COL5A1: variants seen among roughly 807,000 people sequenced by gnomAD.
COL5A1 encodes collagen alpha-1(V) chain.
A neutral mutation model predicts 263.7 loss-of-function variants in COL5A1; 16 were observed. That is an observed-to-expected ratio of 0.06 (90% CI 0.04 to 0.09). The LOEUF is 0.09. Among genes scored for constraint, COL5A1 ranks in the 10% least tolerant of loss-of-function variants. COL5A1 has a pLI of 1.00. For missense variants in COL5A1, 2,036 were observed against 2,540.5 expected (o/e 0.80, Z 4.27); for synonymous variants, 1,012 against 1,004.5 (o/e 1.01, Z -0.14).
At chr9:134,713,557 G>C (rs971033455) in intron 4 of COL5A1, among the ~76,000 whole-genome samples, 3 of 152,232 alleles carry the variant, frequency 2.0e-5, no homozygotes, top group African/African-American at 7.2e-5. Flanking sequence ...CTGAGAAAAT[G>C]AAATTCAATC....
In COL5A1 at chr9:134,677,571, G is replaced by A. The variant is rs1022626453; in HGVS notation, c.110-13341G>A. Among the ~76,000 whole-genome samples the A allele has an allele frequency of 2.6e-5, 4 of 152,128 alleles. No individual in the cohort carries two copies. The highest frequency in any genetic ancestry group is 4.4e-5 in the Non-Finnish European group (3 of 68,014). ...GGTGAGGTTTATCAGCGGGATCTTC[G>A]GGGTGATGACATTCCTTCCCCCATC... On this transcript the variant is annotated intron_variant, in intron 1 of 65. Coordinates refer to ENST00000371817, the MANE Select transcript of COL5A1 (RefSeq NM_000093.5). The surrounding 1 kb of genome is among the most constrained non-coding windows in gnomAD (Gnocchi z 4.4).
chr9:134,742,483 G>T lies in COL5A1; in HGVS notation c.1494+3675G>T, dbSNP rs1835339262. Among the ~76,000 whole-genome samples, 1 of 151,486 alleles carries T rather than the reference G, an allele frequency of 6.6e-6. No homozygotes were observed. Among genetic ancestry groups the T allele is most frequent in the African/African-American group, 2.4e-5 (1 of 41,170 alleles). On this transcript the variant is annotated intron_variant, in intron 11 of 65. Coordinates refer to ENST00000371817, the MANE Select transcript of COL5A1 (RefSeq NM_000093.5). This position sits in a 1 kb window ranked among gnomAD's most constrained non-coding sequence, Gnocchi z 4.6. ...TTTCCCTCAGGTGACTGGTGAGCAGGTGCACAGCTGGGGCAATGTGCCCGC... is the reference window on the plus strand; with the variant it reads ...TTTCCCTCAGGTGACTGGTGAGCAGTTGCACAGCTGGGGCAATGTGCCCGC...
intron 1 of COL5A1, among the ~76,000 whole-genome samples, chr9:134,654,902 A>T (rs1429776117): frequency 4.5e-5 from 2 of 44,096 alleles, no homozygotes; most frequent in African/African-American, 9.4e-5. Flanking sequence ...GGGGGTGTGT[A>T]GGGCTGGTGT....
chr9:134,775,501 C>T (rs1210223985), intron 27 of COL5A1, among the ~76,000 whole-genome samples: 1 of 152,248 alleles, frequency 6.6e-6, no homozygotes, highest in Non-Finnish European at 1.5e-5. Flanking sequence ...ATGGGGCGCA[C>T]AGCTCCAGAG....
At chr9:134,783,170 C>T (rs374652392) in intron 29 of COL5A1, among the ~76,000 whole-genome samples, 14 of 152,352 alleles carry the variant, frequency 9.2e-5, no homozygotes, top group Non-Finnish European at 1.6e-4. Context: ...GGGCAGCACG[C>T]GACGTGGGTC....
intron 1 of COL5A1, among the ~76,000 whole-genome samples, chr9:134,661,982 G>A (rs1420072991): frequency 6.6e-6 from 1 of 152,100 alleles, no homozygotes; most frequent in African/African-American, 2.4e-5. Flanking sequence ...CGCCTTCTCT[G>A]GGGCGGTTAC....
In COL5A1 at chr9:134,738,892, C is replaced by T. The variant is rs1164648633; in HGVS notation, c.1494+84C>T. ...TCTCCACACTGTGACCCGAGCTGTCCCTGCCTGTGGAGGTGACCCAGAGGC... is the reference window on the plus strand; with the variant it reads ...TCTCCACACTGTGACCCGAGCTGTCTCTGCCTGTGGAGGTGACCCAGAGGC... On this transcript the variant is annotated intron_variant, in intron 11 of 65. Transcript: ENST00000371817. 2.0e-5 allele frequency: 24 copies of T among 1,188,164 alleles called. No homozygotes were observed. In the East Asian group the frequency reaches 5.4e-4, roughly 27 times the overall value. The allele number at this position is 1,188,164 out of a possible 1,614,324, so 73.6% of individuals were successfully genotyped here. A position where few individuals can be genotyped will look rare whatever the true frequency, so the allele number is the denominator to read the frequency against.
intron 27 of COL5A1, 89 bp from the exon 28 acceptor site, chr9:134,780,013 A>G (rs1355573698): frequency 6.9e-7 from 1 of 1,455,716 alleles, no homozygotes; most frequent in Non-Finnish European, 9.6e-7. Flanking sequence ...AGCTTCAGCG[A>G]GCTCAGCCTG....
At chr9:134,724,500 C>T (rs1834577198) in intron 4 of COL5A1, among the ~76,000 whole-genome samples, 1 of 152,196 alleles carries the variant, frequency 6.6e-6, no homozygotes, top group South Asian at 2.1e-4. Flanking sequence ...CCCGTGTGCG[C>T]AGTGGTTGTG....
At position 134,677,940 on chromosome 9, in the gene COL5A1, C is replaced by A. The variant is rs1333870897; in HGVS notation, c.110-12972C>A. The stretch of plus-strand genomic sequence containing the variant: ...GGGGGTCTCAAGATTCTCTGTCGCC[C>A]CATAGCTTGGGTATGGAGGGCCTCC... On this transcript the variant is annotated intron_variant, in intron 1 of 65. Transcript: ENST00000371817. This position sits in a 1 kb window ranked among gnomAD's most constrained non-coding sequence, Gnocchi z 4.4. 6.6e-6 allele frequency among the ~76,000 whole-genome samples: 1 copy of A among 152,218 alleles called. No homozygotes were observed. Among genetic ancestry groups the A allele is most frequent in the Non-Finnish European group, 1.5e-5 (1 of 68,038 alleles).
chr9:134,792,771 GCGTGTGTGTA>G (rs1361960131), intron 32 of COL5A1, among the ~76,000 whole-genome samples: 1 of 41,550 alleles, frequency 2.4e-5, no homozygotes, highest in Non-Finnish European at 4.2e-5. Context: ...GTGTGTGTGT[GCGTGTGTGTA>G]CATATGTGTG....
chr9:134,817,877 G>C (rs1303057009), intron 54 of COL5A1, 46 bp downstream of exon 54: 1 of 1,549,692 alleles, frequency 6.5e-7, no homozygotes, highest in Non-Finnish European at 8.8e-7. Context: ...ACCTCCCCCA[G>C]GGGAGCCCAG....
At chr9:134,793,389 G>GGGC (rs1554801167) in intron 32 of COL5A1, among the ~76,000 whole-genome samples, 67 of 151,884 alleles carry the variant, frequency 4.4e-4, no homozygotes, top group Middle Eastern at 3.4e-3. Context: ...GAGGCTGGGG[G>GGGC]GGGCATTCTG....
At chr9:134,650,235 A>C (rs1831629188) in intron 1 of COL5A1, among the ~76,000 whole-genome samples, 1 of 152,190 alleles carries the variant, frequency 6.6e-6, no homozygotes, top group South Asian at 2.1e-4. Context: ...CTTAAGTTGA[A>C]AAACTCTGAC....
chr9:134,674,757 A>T (rs1832640930), intron 1 of COL5A1, among the ~76,000 whole-genome samples: 1 of 152,116 alleles, frequency 6.6e-6, no homozygotes, highest in Admixed American at 6.5e-5. Context: ...ATAGTGGCGC[A>T]TGTAATCCAG....
In COL5A1 at chr9:134,755,093, A is replaced by G. The variant is rs1413178861; in HGVS notation, c.1827+767A>G. Among the ~76,000 whole-genome samples, 6 of 152,004 alleles carry G rather than the reference A, an allele frequency of 3.9e-5. No homozygotes were observed. Among genetic ancestry groups the G allele is most frequent in the Non-Finnish European group, 8.8e-5 (6 of 67,996 alleles). ...CTGACTTGGGGAGCAAGCTGTGGTT[A>G]GTGGGTAGAAATGACCCGATAAGCC... is the stretch of plus-strand genomic sequence containing the variant. On this transcript the variant is annotated intron_variant, in intron 16 of 65. Coordinates refer to ENST00000371817, the MANE Select transcript of COL5A1 (RefSeq NM_000093.5). The surrounding 1 kb of genome is among the most constrained non-coding windows in gnomAD (Gnocchi z 4.1).
chr9:134,753,891 C>G lies in COL5A1; in HGVS notation c.1761C>G (p.Asp587Glu). ...GAGGTTTGAAGGGCGAGCCGGGAGACGTGGGGCCTCAGGTATGTGGGATCC... is the reference window on the plus strand; with the variant it reads ...GAGGTTTGAAGGGCGAGCCGGGAGAGGTGGGGCCTCAGGTATGTGGGATCC... ...GSGGLKGEPG[D>E]VGPQGPRGVQ... The change falls in exon 15 of 66, where the codon GAC becomes GAG. Residue 587 changes from aspartate (D) to glutamate (E), a missense_variant. Transcript: ENST00000371817. 6.2e-7 allele frequency: 1 copy of G among 1,613,584 alleles called. No homozygotes were observed. Among genetic ancestry groups the G allele is most frequent in the Non-Finnish European group, 8.5e-7 (1 of 1,179,822 alleles).
In COL5A1 at chr9:134,755,913, C is replaced by T. The variant is rs1338489113; in HGVS notation, c.1828-852C>T. On this transcript the variant is annotated intron_variant, in intron 16 of 65. Transcript: ENST00000371817. The surrounding 1 kb of genome is among the most constrained non-coding windows in gnomAD (Gnocchi z 4.1). ...CTTGGTGGTGGGTTGGGGGCAAGGGCCTCATATGAGGAGGAGCCCCTGGAA... is the reference window on the plus strand; with the variant it reads ...CTTGGTGGTGGGTTGGGGGCAAGGGTCTCATATGAGGAGGAGCCCCTGGAA... 6.6e-6 allele frequency among the ~76,000 whole-genome samples: 1 copy of T among 152,070 alleles called. No individual in the cohort carries two copies. Among genetic ancestry groups the T allele is most frequent in the Non-Finnish European group, 1.5e-5 (1 of 68,016 alleles).
At chr9:134,699,537 A>G (rs7466318) in intron 2 of COL5A1, among the ~76,000 whole-genome samples, 49,564 of 149,088 alleles carry the variant, frequency 0.33, 8,629 homozygotes, top group African/African-American at 0.47. Context: ...GTACTAAGAC[A>G]CCTCAGAAGC....
Sources: allele counts gnomAD v4.1 joint callset (sites outside exome capture counted in the v4.1 genomes callset), GRCh38; gene constraint gnomAD v4.1.1; non-coding constraint Gnocchi (gnomAD v3.1); transcripts MANE v1.5; gene names NCBI Gene and HGNC (gene_info 2026-07-23, HGNC 2026-07-21).